The following PRSS38 variants were observed in gnomAD, a reference collection of about 807,000 sequenced individuals.
PRSS38 encodes marapsin 2.
PRSS38 carries 22 observed loss-of-function variants against 26.8 expected under a neutral mutation model. The ratio of observed to expected loss-of-function variants is 0.82; its 90% CI spans 0.59 to 1.17. PRSS38 has a LOEUF of 1.17. Ranked by LOEUF, PRSS38 falls within the 50% of genes most tolerant of loss-of-function variation. PRSS38 has a pLI of 0.00. For synonymous variants in PRSS38, 175 were observed against 172.1 expected, an observed-to-expected ratio of 1.02 and a Z score of -0.13; for missense variants, 427 against 422.7, an observed-to-expected ratio of 1.01 and a Z score of -0.09.
At chr1:227,822,766 T>C (rs1239751069) in intron 3 of PRSS38, among the ~76,000 whole-genome samples, 2 of 152,220 alleles carry the variant, frequency 1.3e-5, no homozygotes, top group East Asian at 1.9e-4. Flanking sequence ...TTTCAATACT[T>C]AGCCATGCTT....
intron 3 of PRSS38, among the ~76,000 whole-genome samples, chr1:227,843,376 A>G (rs78550582): frequency 0.038 from 5,857 of 152,212 alleles, 131 homozygotes; most frequent in South Asian, 0.049. Flanking sequence ...ACACCCAACA[A>G]ATCTTTGAAC....
At chr1:227,828,296 T>C (rs1665103536) in intron 3 of PRSS38, among the ~76,000 whole-genome samples, 1 of 152,234 alleles carries the variant, frequency 6.6e-6, no homozygotes, top group Non-Finnish European at 1.5e-5. Context: ...AGTGTTAAAG[T>C]ATCCCACTAT....
Position 227,841,149 on chromosome 1 carries a change from G to T in PRSS38, c.584-4321G>T, listed in dbSNP as rs115755710. The stretch of plus-strand genomic sequence containing the variant: ...TTGTGGGTCGGTGATGTAACCTGTG[G>T]GTTCTTCTGGTTTGGCTGAGCTTCT... On this transcript the variant is annotated intron_variant, in intron 3 of 4. Transcript: ENST00000366757. 3.9e-3 allele frequency among the ~76,000 whole-genome samples: 596 copies of T among 152,348 alleles called. 4 individuals carry two copies. The highest frequency in any genetic ancestry group is 0.025 in the East Asian group (132 of 5,190).
intron 3 of PRSS38, among the ~76,000 whole-genome samples, chr1:227,821,359 C>T (rs886436809): frequency 1.4e-4 from 22 of 152,154 alleles, no homozygotes; most frequent in African/African-American, 5.3e-4. Flanking sequence ...ATGCATGTAT[C>T]TTTATAATAG....
intron 3 of PRSS38, among the ~76,000 whole-genome samples, chr1:227,832,914 G>A (rs745933031): frequency 1.3e-5 from 2 of 152,134 alleles, no homozygotes; most frequent in Non-Finnish European, 2.9e-5. Context: ...AGGAAATTAA[G>A]AAAATTGTTC....
intron 3 of PRSS38, among the ~76,000 whole-genome samples, chr1:227,845,166 A>G (rs893906789): frequency 6.3e-4 from 40 of 63,558 alleles, no homozygotes; most frequent in South Asian, 1.8e-3. Context: ...GTGTGTGGTG[A>G]GGCTCCTCCC....
chr1:227,815,937 C>G (rs768394820), intron 1 of PRSS38, 73 bp downstream of exon 1: 1 of 1,529,358 alleles, frequency 6.5e-7, no homozygotes, highest in Non-Finnish European at 8.9e-7. Flanking sequence ...GCTGGGCCTC[C>G]TCCCCCATGT....
intron 3 of PRSS38, among the ~76,000 whole-genome samples, chr1:227,826,533 G>A (rs1191987253): frequency 2.6e-5 from 4 of 152,096 alleles, no homozygotes; most frequent in Non-Finnish European, 4.4e-5. Flanking sequence ...GGCCCAACAC[G>A]GTGAAACCCC....
exon 3 of PRSS38, chr1:227,817,457 G>A: frequency 6.2e-7 from 1 of 1,614,218 alleles, no homozygotes; most frequent in South Asian, 1.1e-5. Context: ...TGGGCTACGG[G>A]ATGGGGACTA....
chr1:227,820,089 C>CAAA (rs61564441), intron 3 of PRSS38, among the ~76,000 whole-genome samples: 63 of 42,582 alleles, frequency 1.5e-3, no homozygotes, highest in Admixed American at 1.6e-3. Flanking sequence ...AACTCCATCT[C>CAAA]AAAAAAAAAA....
intron 4 of PRSS38, 64 bp from the exon 5 acceptor site, chr1:227,845,889 GA>G: frequency 6.3e-7 from 1 of 1,583,784 alleles, no homozygotes. Flanking sequence ...CACCCTGGGG[GA>G]CAGGTGCAGG....
At chr1:227,824,326 G>C (rs1016077325) in intron 3 of PRSS38, among the ~76,000 whole-genome samples, 3 of 152,106 alleles carry the variant, frequency 2.0e-5, no homozygotes, top group Admixed American at 1.3e-4. Context: ...TGTGATGTTT[G>C]CTTTTCTGTT....
intron 3 of PRSS38, among the ~76,000 whole-genome samples, chr1:227,829,070 C>G (rs1257824454): frequency 3.3e-5 from 5 of 152,186 alleles, no homozygotes; most frequent in African/African-American, 1.2e-4. Flanking sequence ...ATCACCCCAC[C>G]CTGCCTTTCT....
At chr1:227,840,360 C>T (rs368633863) in intron 3 of PRSS38, among the ~76,000 whole-genome samples, 214 of 152,174 alleles carry the variant, frequency 1.4e-3, no homozygotes, top group African/African-American at 4.3e-3. Context: ...TGGGCTCAAG[C>T]GATCCTCCTG....
intron 2 of PRSS38, among the ~76,000 whole-genome samples, 186 bp from the exon 3 acceptor site, chr1:227,817,023 G>T (rs1572079002): frequency 6.6e-6 from 1 of 152,194 alleles, no homozygotes; most frequent in Admixed American, 6.5e-5. Context: ...GCCTCCATGG[G>T]CCAAGTCGAC....
chr1:227,839,857 G>C (rs1403401328), intron 3 of PRSS38, among the ~76,000 whole-genome samples: 1 of 152,130 alleles, frequency 6.6e-6, no homozygotes, highest in Non-Finnish European at 1.5e-5. Context: ...TAATTCTTCC[G>C]AGGACTTAGC....
rs968296459 is a variant in PRSS38, at chr1:227,840,750, T to C, written c.584-4720T>C. Among the ~76,000 whole-genome samples the C allele has an allele frequency of 2.6e-5, 4 of 152,306 alleles. No individual in the cohort carries two copies. The South Asian group carries it at 6.2e-4, about 24-fold the overall frequency. ...AGTTTCTCTCTTTTCTGTAGTGCCT[T>C]ATCCTCAGCTAGAACCAGCCACTTG... On this transcript the variant is annotated intron_variant, in intron 3 of 4. Coordinates refer to ENST00000366757, the Ensembl canonical transcript of PRSS38.
At chr1:227,817,402 G>T (rs777961340) in exon 3 of PRSS38, 2 of 1,614,170 alleles carry the variant, frequency 1.2e-6, no homozygotes, top group Non-Finnish European at 1.7e-6. Flanking sequence ...CGTGCTCCCG[G>T]TTTGCCTTGC....
chr1:227,830,475 C>T, intron 3 of PRSS38, among the ~76,000 whole-genome samples: 1 of 142,430 alleles, frequency 7.0e-6, no homozygotes, highest in South Asian at 2.3e-4. Flanking sequence ...ATTCCCATTT[C>T]TTCTTGAATT....
Sources: allele counts gnomAD v4.1 joint callset (sites outside exome capture counted in the v4.1 genomes callset), GRCh38; gene constraint gnomAD v4.1.1; transcripts MANE v1.5; gene names NCBI Gene and HGNC (gene_info 2026-07-23, HGNC 2026-07-21).